CNOT6L: variants seen among roughly 807,000 people sequenced by gnomAD.
CNOT6L encodes CCR4-NOT transcription complex subunit 6 like, also known as CCR4-NOT transcription complex subunit 6-like.
A neutral mutation model predicts 64.0 loss-of-function variants in CNOT6L; 7 were observed. The ratio of observed to expected loss-of-function variants is 0.11; its 90% CI spans 0.06 to 0.21. The LOEUF (loss-of-function observed/expected upper bound fraction) is 0.21. CNOT6L is among the 10% of genes least tolerant of loss of function. The pLI is 1.00. For synonymous variants in CNOT6L, 193 were observed against 243.4 expected, an observed-to-expected ratio of 0.79 and a Z score of 1.93; for missense variants, 245 against 669.0, an observed-to-expected ratio of 0.37 and a Z score of 6.99.
intron 1 of CNOT6L, among the ~76,000 whole-genome samples, chr4:77,802,229 TATAA>T (rs1366494941): frequency 3.3e-5 from 5 of 152,188 alleles, no homozygotes; most frequent in African/African-American, 1.2e-4. Flanking sequence ...ATACATACAA[TATAA>T]ATATACTGTA....
chr4:77,750,903 A>C (rs374912362), intron 5 of CNOT6L, among the ~76,000 whole-genome samples: 2 of 152,190 alleles, frequency 1.3e-5, no homozygotes, highest in Non-Finnish European at 2.9e-5. Context: ...CCAAATCTAC[A>C]TGCTAAACCT....
At chr4:77,773,561 T>C (rs2110059393) in intron 3 of CNOT6L, among the ~76,000 whole-genome samples, 1 of 152,258 alleles carries the variant, frequency 6.6e-6, no homozygotes, top group South Asian at 2.1e-4. Flanking sequence ...AAGTACAAAT[T>C]TTTACACAAA....
At position 77,744,826 on chromosome 4, in the gene CNOT6L, G is replaced by C. The variant is rs1724015382; in HGVS notation, c.609C>G (p.Thr203=). 1.9e-6 allele frequency: 3 copies of C among 1,613,184 alleles called. No individual in the cohort carries two copies. Among genetic ancestry groups the C allele is most frequent in the Admixed American group, 3.3e-5 (2 of 59,850 alleles). ...ATGGGCAATAGCCATATAGCTGCCG[G>C]GTAGCGTATTTATCACATAACACAT... ...CYNVLCDKYA[T]RQLYGYCPSW... is the part of the protein sequence containing the mutation. Residue 203 remains threonine (T), a synonymous_variant, in exon 7 of 12, where the codon ACC becomes ACG. Coordinates refer to ENST00000504123, the MANE Select transcript of CNOT6L (RefSeq NM_144571.3).
intron 1 of CNOT6L, among the ~76,000 whole-genome samples, chr4:77,800,301 A>C (rs780619600): frequency 4.6e-5 from 7 of 152,128 alleles, no homozygotes; most frequent in Non-Finnish European, 1.0e-4. Context: ...CAGGCGTTCA[A>C]GGCCAGCCTG....
intron 8 of CNOT6L, among the ~76,000 whole-genome samples, chr4:77,738,715 T>C (rs1723244619): frequency 7.8e-6 from 1 of 127,540 alleles, no homozygotes; most frequent in Non-Finnish European, 1.5e-5. Flanking sequence ...ATCACGCCAC[T>C]GCACTCCAGC....
At chr4:77,760,813 C>T (rs1428873856) in intron 4 of CNOT6L, among the ~76,000 whole-genome samples, 2 of 144,060 alleles carry the variant, frequency 1.4e-5, no homozygotes, top group Admixed American at 7.2e-5. Flanking sequence ...TCTCCTGCCT[C>T]GGCCTCCTGA....
At chr4:77,795,690 T>C (rs1730754158) in intron 1 of CNOT6L, among the ~76,000 whole-genome samples, 1 of 152,200 alleles carries the variant, frequency 6.6e-6, no homozygotes, top group African/African-American at 2.4e-5. Flanking sequence ...CAGAAGTCTG[T>C]ACGGGGCCCA....
In CNOT6L at chr4:77,776,285, T is replaced by C; in HGVS notation, c.113A>G (p.Glu38Gly). 6.2e-7 allele frequency: 1 copy of C among 1,611,798 alleles called. No individual in the cohort carries two copies. The highest frequency in any genetic ancestry group is 8.5e-7 in the Non-Finnish European group (1 of 1,179,692). ...VANGKKSHWA[E>G]LEISGRVRSL... is the part of the protein sequence containing the mutation. The stretch of plus-strand genomic sequence containing the variant: ...ATTCCACTCACCCGAGATTTCTAAT[T>C]CTGCCCAGTGAGATTTTTTCCCATT... Residue 38 changes from glutamate (E) to glycine (G), a missense_variant, in exon 2 of 12, where the codon GAA becomes GGA. Physicochemically the swap from Glu to Gly is moderately conservative, Grantham distance 98. Coordinates refer to ENST00000504123, the MANE Select transcript of CNOT6L (RefSeq NM_144571.3).
chr4:77,780,690 C>T (rs1728760535), intron 1 of CNOT6L, among the ~76,000 whole-genome samples: 2 of 152,164 alleles, frequency 1.3e-5, no homozygotes, highest in South Asian at 4.1e-4. Context: ...GTTTTAATCT[C>T]CATCACCAAA....
chr4:77,731,581 T>A (rs767614254), intron 8 of CNOT6L, 43 bp from the exon 9 acceptor site: 1 of 1,345,640 alleles, frequency 7.4e-7, no homozygotes, highest in Non-Finnish European at 1.0e-6. Context: ...TAGACTATCA[T>A]GCTGAAAGAT....
chr4:77,794,178 A>AAG (rs1730513987), intron 1 of CNOT6L, among the ~76,000 whole-genome samples: 3 of 144,176 alleles, frequency 2.1e-5, no homozygotes, highest in Non-Finnish European at 3.0e-5. Context: ...AAAAAAAAAG[A>AAG]TTTTAGAAAT....
At chr4:77,803,696 C>T (rs144870219) in intron 1 of CNOT6L, among the ~76,000 whole-genome samples, 64 of 152,146 alleles carry the variant, frequency 4.2e-4, no homozygotes, top group African/African-American at 1.5e-3. Flanking sequence ...CTGAGAACGG[C>T]AGTTCAAGAC....
intron 8 of CNOT6L, among the ~76,000 whole-genome samples, chr4:77,737,403 G>GTTTTTTTTTTTTTTTTTTT (rs1723076948): frequency 2.6e-5 from 3 of 116,040 alleles, no homozygotes; most frequent in African/African-American, 1.0e-4. Context: ...TATTTGTACC[G>GTTTTTTTTTTTTTTTTTTT]TTCTTTTTTT....
In CNOT6L at chr4:77,728,924, T is replaced by C; in HGVS notation, c.1182A>G (p.Gly394=). The C allele has an allele frequency of 6.2e-7, 1 of 1,613,842 alleles. No individual in the cohort carries two copies. The highest frequency in any genetic ancestry group is 8.5e-7 in the Non-Finnish European group (1 of 1,179,764). Reference sequence around the variant, plus strand: ...TGGAATTAGGATCTGCAGTTGGGCTTCCAGGCCTACTAGAGGCTTTCTCCA... The same window carrying C: ...TGGAATTAGGATCTGCAGTTGGGCTCCCAGGCCTACTAGAGGCTTTCTCCA... ...NILEKASSRP[G]SPTADPNSIP... is the part of the protein sequence containing the mutation. Residue 394 remains glycine (G), a synonymous_variant, in exon 10 of 12, where the codon GGA becomes GGG. Coordinates refer to ENST00000504123, the MANE Select transcript of CNOT6L (RefSeq NM_144571.3).
chr4:77,817,899 T>C (rs1356854566), intron 1 of CNOT6L, among the ~76,000 whole-genome samples: 1 of 152,234 alleles, frequency 6.6e-6, no homozygotes, highest in African/African-American at 2.4e-5. Flanking sequence ...TACATACAAA[T>C]GTAATGAGGT....
Position 77,774,721 on chromosome 4 carries a change from A to G in CNOT6L, c.128-5T>C. On this transcript the variant is annotated splice_polypyrimidine_tract_variant and splice_region_variant and intron_variant, in intron 2 of 11. Coordinates refer to ENST00000504123, the MANE Select transcript of CNOT6L (RefSeq NM_144571.3). The stretch of plus-strand genomic sequence containing the variant: ...TACTTAGGCTCCGCACTCTACCTAA[A>G]AGGCAAAATACTGAAGTGTAAAAAA... 1 of 1,553,358 alleles carries G rather than the reference A, an allele frequency of 6.4e-7. No homozygotes were observed. The highest frequency in any genetic ancestry group is 8.7e-7 in the Non-Finnish European group (1 of 1,153,114).
chr4:77,779,199 C>T (rs2903291), intron 1 of CNOT6L, among the ~76,000 whole-genome samples: 131,071 of 151,900 alleles, frequency 0.86, 56,784 homozygotes, highest in Non-Finnish European at 0.9. Context: ...TTTATATCTC[C>T]ATACAGTTCC....
At chr4:77,813,749 C>G (rs1242530846) in intron 1 of CNOT6L, among the ~76,000 whole-genome samples, 2 of 152,092 alleles carry the variant, frequency 1.3e-5, no homozygotes, top group African/African-American at 2.4e-5. Context: ...GAGATAATAA[C>G]AATTGTTGGC....
At chr4:77,800,079 A>C (rs572574645) in intron 1 of CNOT6L, among the ~76,000 whole-genome samples, 1 of 152,270 alleles carries the variant, frequency 6.6e-6, no homozygotes, top group Non-Finnish European at 1.5e-5. Context: ...AAAAAAAACT[A>C]ATTCAAGAAA....
Sources: gnomAD v4.1 joint callset for allele counts (sites outside exome capture counted in the v4.1 genomes callset) on GRCh38, gnomAD v4.1.1 for gene constraint, MANE v1.5 for transcripts, NCBI Gene and HGNC (gene_info 2026-07-23, HGNC 2026-07-21) for gene names.